The following LOC128462377 variants were observed in gnomAD, a reference collection of about 807,000 sequenced individuals.
At chr16:89,360,906 G>A in the LOC128462377 span, among the ~76,000 whole-genome samples, 1 of 152,148 alleles carries the variant, frequency 6.6e-6, no homozygotes, top group Non-Finnish European at 1.5e-5. Context: ...AGAATCCACG[G>A]TCTCTTGCCC....
the LOC128462377 span, among the ~76,000 whole-genome samples, chr16:89,385,750 G>A: frequency 2.6e-5 from 4 of 152,262 alleles, no homozygotes; most frequent in Non-Finnish European, 5.9e-5. Flanking sequence ...CACGTCTGAC[G>A]ACAGAAGGCT....
the LOC128462377 span, among the ~76,000 whole-genome samples, chr16:89,387,130 A>G: frequency 1.3e-5 from 2 of 152,088 alleles, no homozygotes; most frequent in African/African-American, 4.8e-5. Context: ...CGAGGGTGGG[A>G]GAGGTAGGTC....
the LOC128462377 span, among the ~76,000 whole-genome samples, chr16:89,359,719 A>C: frequency 2.0e-5 from 3 of 152,206 alleles, no homozygotes; most frequent in African/African-American, 7.2e-5. Context: ...AGGCATTTTC[A>C]ACGGTCTTCA....
At chr16:89,346,202 C>A in the LOC128462377 span, among the ~76,000 whole-genome samples, 3 of 145,020 alleles carry the variant, frequency 2.1e-5, no homozygotes, top group East Asian at 6.0e-4. Flanking sequence ...GAGCCAAGAT[C>A]ACGCCACGGC....
chr16:89,363,663 CCA>C, the LOC128462377 span, among the ~76,000 whole-genome samples: 1 of 152,154 alleles, frequency 6.6e-6, no homozygotes, highest in African/African-American at 2.4e-5. Flanking sequence ...CCACCAAGCA[CCA>C]CACGCTGCTT....
chr16:89,338,505 A>C, the LOC128462377 span, among the ~76,000 whole-genome samples: 4 of 151,690 alleles, frequency 2.6e-5, no homozygotes, highest in Non-Finnish European at 5.9e-5. Context: ...CGAGGCGGGC[A>C]ATCACCTGAG....
chr16:89,345,528 TC>T, the LOC128462377 span, among the ~76,000 whole-genome samples: 1 of 152,284 alleles, frequency 6.6e-6, no homozygotes, highest in Non-Finnish European at 1.5e-5. Context: ...CTCTCCAACT[TC>T]CAGCTTCCAG....
chr16:89,404,600 C>T, the LOC128462377 span, among the ~76,000 whole-genome samples: 3 of 152,348 alleles, frequency 2.0e-5, no homozygotes, highest in South Asian at 2.1e-4. Context: ...AGCACTCTAT[C>T]AGGCTAATGC....
the LOC128462377 span, among the ~76,000 whole-genome samples, chr16:89,375,814 TTCATTGTGTTTAC>T: frequency 2.0e-5 from 3 of 150,840 alleles, no homozygotes; most frequent in African/African-American, 7.3e-5. Flanking sequence ...TCAAGTCTTT[TTCATTGTGTTTAC>T]TCAATACCAT....
At chr16:89,367,127 T>G in the LOC128462377 span, among the ~76,000 whole-genome samples, 1 of 151,504 alleles carries the variant, frequency 6.6e-6, no homozygotes, top group Admixed American at 6.6e-5. Flanking sequence ...CTACCTCAAC[T>G]CTCCACCCCG....
the LOC128462377 span, among the ~76,000 whole-genome samples, chr16:89,405,065 C>T: frequency 1.3e-5 from 2 of 152,080 alleles, no homozygotes; most frequent in Non-Finnish European, 2.9e-5. Context: ...AGCCCGACGC[C>T]CCGTCACACG....
chr16:89,388,437 G>C, the LOC128462377 span, among the ~76,000 whole-genome samples: 1 of 151,636 alleles, frequency 6.6e-6, no homozygotes, highest in Non-Finnish European at 1.5e-5. Context: ...GCCTCCATGA[G>C]GTTGATTTTT....
the LOC128462377 span, among the ~76,000 whole-genome samples, chr16:89,348,639 T>G: frequency 1.3e-5 from 2 of 152,224 alleles, no homozygotes; most frequent in Non-Finnish European, 2.9e-5. Flanking sequence ...TACAGGACTA[T>G]TTAAGCTATC....
At chr16:89,399,427 G>A in the LOC128462377 span, among the ~76,000 whole-genome samples, 48 of 152,282 alleles carry the variant, frequency 3.2e-4, no homozygotes, top group Middle Eastern at 3.4e-3. Context: ...CACGCTGTAC[G>A]GTTCCGACTC....
chr16:89,328,025 C>G, the LOC128462377 span, among the ~76,000 whole-genome samples: 2 of 152,156 alleles, frequency 1.3e-5, no homozygotes. Context: ...AAGTATCAAA[C>G]AACAAACATT....
At chr16:89,325,623 C>A in the LOC128462377 span, among the ~76,000 whole-genome samples, 1 of 152,298 alleles carries the variant, frequency 6.6e-6, no homozygotes, top group East Asian at 1.9e-4. Context: ...GGCTGCCTGG[C>A]GGATGGAATT....
the LOC128462377 span, among the ~76,000 whole-genome samples, chr16:89,381,679 ACT>A: frequency 6.6e-6 from 1 of 152,158 alleles, no homozygotes; most frequent in African/African-American, 2.4e-5. Context: ...CACCTTCAGA[ACT>A]CTCATCAGGA....
chr16:89,400,753 ATGGT>A, the LOC128462377 span, among the ~76,000 whole-genome samples: 1 of 43,022 alleles, frequency 2.3e-5, no homozygotes, highest in African/African-American at 1.8e-4. Flanking sequence ...GCGCTGGGGG[ATGGT>A]CATCTGCTGC....
chr16:89,321,469 A>C, the LOC128462377 span, among the ~76,000 whole-genome samples: 1 of 89,698 alleles, frequency 1.1e-5, no homozygotes. Flanking sequence ...CGGGGCGGGG[A>C]CTGTGGGGCC....
Sources: allele counts gnomAD v4.1 joint callset (sites outside exome capture counted in the v4.1 genomes callset), GRCh38; gene constraint gnomAD v4.1.1; transcripts MANE v1.5.